The following KATNA1 variants were observed in gnomAD, a reference collection of about 807,000 sequenced individuals.
KATNA1 encodes katanin p60 ATPase-containing subunit A1.
A neutral mutation model predicts 62.6 loss-of-function variants in KATNA1; 42 were observed. The observed-to-expected ratio is 0.67, with a 90% CI of 0.52 to 0.87. The LOEUF (loss-of-function observed/expected upper bound fraction) is 0.87, where lower values mean the gene tolerates loss of function less well. Ranked by LOEUF, KATNA1 falls within the 40% of genes least tolerant of loss-of-function variation. The probability of loss-of-function intolerance (pLI) is 0.00; values close to 1 mark genes in which losing one functional copy is unlikely to be tolerated. For synonymous variants in KATNA1, 186 were observed against 201.9 expected, an observed-to-expected ratio of 0.92 and a Z score of 0.67; for missense variants, 498 against 612.5, an observed-to-expected ratio of 0.81 and a Z score of 1.97.
chr6:149,604,730 G>C lies in KATNA1; in HGVS notation c.554C>G (p.Thr185Ser). The change falls in exon 5 of 11, where the codon ACC becomes AGC. Residue 185 changes from threonine (T) to serine (S), a missense_variant. Physicochemically the swap from Thr to Ser is moderately conservative, Grantham distance 58. Transcript: ENST00000367411. ...TEPETNKFDSTGYDKDLVEAL... is the reference protein window; with the variant it reads ...TEPETNKFDSSGYDKDLVEAL... ...TTCTACTAAGTCTTTATCATATCCG[G>C]TACTATCAAATTTATTTGTCTCTGG... 1 of 1,611,970 alleles carries C rather than the reference G, an allele frequency of 6.2e-7. No homozygotes were observed. Among genetic ancestry groups the C allele is most frequent in the Non-Finnish European group, 8.5e-7 (1 of 1,178,142 alleles).
chr6:149,620,067 G>A (rs1471508426), intron 4 of KATNA1, among the ~76,000 whole-genome samples: 1 of 152,160 alleles, frequency 6.6e-6, no homozygotes, highest in Non-Finnish European at 1.5e-5. Context: ...AGGATATCAT[G>A]TTCAGAGAAA....
intron 4 of KATNA1, among the ~76,000 whole-genome samples, chr6:149,610,152 T>C (rs1778895735): frequency 7.0e-6 from 1 of 142,942 alleles, no homozygotes; most frequent in Non-Finnish European, 1.5e-5. Flanking sequence ...ATTAAAAAAT[T>C]AGCCAGGTGT....
At chr6:149,634,721 A>T (rs1035064042) in intron 2 of KATNA1, among the ~76,000 whole-genome samples, 1 of 152,176 alleles carries the variant, frequency 6.6e-6, no homozygotes, top group African/African-American at 2.4e-5. Flanking sequence ...ATGCTGATTA[A>T]TCCCAATTAC....
intron 3 of KATNA1, among the ~76,000 whole-genome samples, chr6:149,631,884 T>C (rs1292515909): frequency 6.6e-6 from 1 of 152,174 alleles, no homozygotes; most frequent in Non-Finnish European, 1.5e-5. Flanking sequence ...TGCTGGCACT[T>C]GGTAGTAGGA....
intron 4 of KATNA1, among the ~76,000 whole-genome samples, chr6:149,616,156 T>C (rs1208612760): frequency 6.6e-6 from 1 of 152,192 alleles, no homozygotes; most frequent in African/African-American, 2.4e-5. Context: ...GATGGCTGCA[T>C]AGCAATGTTG....
intron 10 of KATNA1, among the ~76,000 whole-genome samples, chr6:149,595,687 T>TCAAA (rs1159830698): frequency 6.6e-6 from 1 of 152,068 alleles, no homozygotes; most frequent in Non-Finnish European, 1.5e-5. Context: ...AACTTCAGAT[T>TCAAA]CAAACAGCTC....
chr6:149,600,924 A>C (rs1778520614), intron 7 of KATNA1, among the ~76,000 whole-genome samples: 1 of 152,006 alleles, frequency 6.6e-6, no homozygotes, highest in African/African-American at 2.4e-5. Context: ...CCTAGGCAAG[A>C]CTGAGAACCC....
chr6:149,610,413 A>C lies in KATNA1; in HGVS notation c.502-5631T>G, dbSNP rs952465589. On this transcript the variant is annotated intron_variant, in intron 4 of 10. Transcript: ENST00000367411. ...CCACAGCAAAATACATACTCTTTTCAAGTGTTCACAGAACATATACCAAAA... is the reference window on the plus strand; with the variant it reads ...CCACAGCAAAATACATACTCTTTTCCAGTGTTCACAGAACATATACCAAAA... Among the ~76,000 whole-genome samples, 7 of 152,276 alleles carry C rather than the reference A, an allele frequency of 4.6e-5. No homozygotes were observed. In the South Asian group the frequency reaches 1.5e-3, roughly 32 times the overall value.
rs183441130 is a variant in KATNA1, at chr6:149,639,904, G to A, written c.-13-1344C>T. ...GTGTGAGACTATATGATCCTTGCAT[G>A]ACACACATTTTATTAAACATCTGCA... On this transcript the variant is annotated intron_variant, in intron 1 of 10. Coordinates refer to ENST00000367411, the MANE Select transcript of KATNA1 (RefSeq NM_007044.4). Among the ~76,000 whole-genome samples, 10 of 152,346 alleles carry A rather than the reference G, an allele frequency of 6.6e-5. No individual in the cohort carries two copies. In the East Asian group the frequency reaches 1.3e-3, roughly 21 times the overall value.
intron 1 of KATNA1, among the ~76,000 whole-genome samples, chr6:149,647,295 G>A (rs1780523540): frequency 1.3e-5 from 2 of 151,646 alleles, no homozygotes; most frequent in Admixed American, 6.6e-5. Context: ...AGGCCTAGGC[G>A]GGCGGATCAC....
chr6:149,604,773 G>A lies in KATNA1; in HGVS notation c.511C>T (p.Pro171Ser). 1 of 1,613,610 alleles carries A rather than the reference G, an allele frequency of 6.2e-7. No homozygotes were observed. Among genetic ancestry groups the A allele is most frequent in the Non-Finnish European group, 8.5e-7 (1 of 1,179,776 alleles). ...GTCTCTGGTTCTGTTACTGCAGCAG[G>A]TGATTTGTTCTACATGAAGAGAAAA... Reference protein sequence around the residue: ...NKGREEKNKSPAAVTEPETNK... With the variant: ...NKGREEKNKSSAAVTEPETNK... The change falls in exon 5 of 11, where the codon CCT becomes TCT. Residue 171 changes from proline (P) to serine (S), a missense_variant. Pro to Ser is a moderately conservative substitution (Grantham distance 74). Coordinates refer to ENST00000367411, the MANE Select transcript of KATNA1 (RefSeq NM_007044.4).
intron 2 of KATNA1, among the ~76,000 whole-genome samples, chr6:149,636,950 T>C (rs912556353): frequency 6.6e-6 from 1 of 151,650 alleles, no homozygotes; most frequent in Non-Finnish European, 1.5e-5. Flanking sequence ...CAAGACTTAT[T>C]TTCTTAACCT....
intron 7 of KATNA1, among the ~76,000 whole-genome samples, chr6:149,599,387 C>T (rs1039917639): frequency 6.6e-6 from 1 of 152,090 alleles, no homozygotes; most frequent in Non-Finnish European, 1.5e-5. Context: ...TAGACTGATT[C>T]TTCCCACATA....
chr6:149,647,515 C>G (rs1043057399), intron 1 of KATNA1, among the ~76,000 whole-genome samples: 2 of 121,492 alleles, frequency 1.6e-5, no homozygotes, highest in Non-Finnish European at 3.3e-5. Flanking sequence ...GAGCAAGACT[C>G]CGTCTCAAAA....
intron 4 of KATNA1, among the ~76,000 whole-genome samples, chr6:149,613,850 T>C (rs116096240): frequency 6.6e-6 from 1 of 152,274 alleles, no homozygotes; most frequent in African/African-American, 2.4e-5. Context: ...TGAGAGGGGA[T>C]TATGCCACAA....
At chr6:149,645,255 AAC>A (rs1185872799) in intron 1 of KATNA1, among the ~76,000 whole-genome samples, 1 of 152,094 alleles carries the variant, frequency 6.6e-6, no homozygotes, top group Non-Finnish European at 1.5e-5. Context: ...CATCCTGGCT[AAC>A]ACAGTGAAAC....
rs544379629 is a variant in KATNA1, at chr6:149,626,292, C to CTTTTTTTTTTTTTTT, written c.321-3024_321-3010dup. Reference sequence around the variant, plus strand: ...GAAACAACTATTTATATAACATTTACTTTTTTTTTTTTTTTTTTTTGAGAC... The same window carrying CTTTTTTTTTTTTTTT: ...GAAACAACTATTTATATAACATTTACTTTTTTTTTTTTTTTTTTTTTTTTTTTTTTTTTTTGAGAC... On this transcript the variant is annotated intron_variant, in intron 3 of 10. Transcript: ENST00000367411. Among the ~76,000 whole-genome samples, 70 of 88,720 alleles carry CTTTTTTTTTTTTTTT rather than the reference C, an allele frequency of 7.9e-4. 7 individuals carry two copies. Among genetic ancestry groups the CTTTTTTTTTTTTTTT allele is most frequent in the East Asian group, 2.3e-3 (4 of 1,712 alleles). The allele number at this position is 88,720 out of a possible 152,430, so 58.2% of individuals were successfully genotyped here.
At chr6:149,627,527 CA>C (rs796916643) in intron 3 of KATNA1, among the ~76,000 whole-genome samples, 2,273 of 69,556 alleles carry the variant, frequency 0.033, 38 homozygotes, top group East Asian at 0.11. Flanking sequence ...GACTCCATCT[CA>C]AAAAAAAAAA....
intron 4 of KATNA1, among the ~76,000 whole-genome samples, chr6:149,612,038 T>C (rs1176021239): frequency 6.6e-6 from 1 of 151,968 alleles, no homozygotes; most frequent in East Asian, 1.9e-4. Context: ...ACAAAAATGC[T>C]ACATACATAA....
Sources: allele counts gnomAD v4.1 joint callset (sites outside exome capture counted in the v4.1 genomes callset), GRCh38; gene constraint gnomAD v4.1.1; transcripts MANE v1.5; gene names NCBI Gene and HGNC (gene_info 2026-07-23, HGNC 2026-07-21).